EXOC4: variants seen among roughly 807,000 people sequenced by gnomAD.
EXOC4 encodes exocyst complex component 4.
A neutral mutation model predicts 107.2 loss-of-function variants in EXOC4; 71 were observed. That is an observed-to-expected ratio of 0.66 (90% CI 0.55 to 0.81). The LOEUF (loss-of-function observed/expected upper bound fraction) is 0.81. EXOC4 is among the 30% of genes least tolerant of loss of function. The pLI is 0.00. For missense variants in EXOC4, 1,108 were observed against 1,189.6 expected, an observed-to-expected ratio of 0.93 and a Z score of 1.01; for synonymous variants, 456 against 441.2, an observed-to-expected ratio of 1.03 and a Z score of -0.42.
intron 10 of EXOC4, among the ~76,000 whole-genome samples, chr7:133,780,596 T>A (rs866711927): frequency 1.8e-4 from 27 of 152,184 alleles, no homozygotes; most frequent in African/African-American, 6.3e-4. Context: ...TACAAATGAT[T>A]CCTGGGAGAG....
chr7:133,690,116 C>T (rs1427341286), intron 10 of EXOC4, among the ~76,000 whole-genome samples: 1 of 152,134 alleles, frequency 6.6e-6, no homozygotes, highest in African/African-American at 2.4e-5. Flanking sequence ...CCCAGAAGGT[C>T]AGATAAATAA....
intron 10 of EXOC4, among the ~76,000 whole-genome samples, chr7:133,632,601 T>C (rs1437319971): frequency 6.6e-6 from 1 of 152,172 alleles, no homozygotes; most frequent in Non-Finnish European, 1.5e-5. Flanking sequence ...CTTCTAAAGT[T>C]CAGAAGTTTA....
chr7:133,576,924 C>CT (rs1167000644), intron 9 of EXOC4: 1 of 1,219,146 alleles, frequency 8.2e-7, no homozygotes, highest in Non-Finnish European at 1.1e-6. Context: ...TTCCAGATCT[C>CT]TTATTCACTG....
At chr7:133,371,772 A>G (rs1796383233) in intron 6 of EXOC4, among the ~76,000 whole-genome samples, 1 of 152,198 alleles carries the variant, frequency 6.6e-6, no homozygotes, top group African/African-American at 2.4e-5. Context: ...CACTGGCTCC[A>G]TATGGTAACT....
chr7:133,868,748 T>G (rs1253548291), intron 11 of EXOC4, among the ~76,000 whole-genome samples: 8 of 152,192 alleles, frequency 5.3e-5, no homozygotes, highest in Non-Finnish European at 7.3e-5. Flanking sequence ...GACTTCCAGC[T>G]TCCAAAATTA....
chr7:134,054,074 T>C (rs986461270), intron 17 of EXOC4, among the ~76,000 whole-genome samples: 12 of 152,180 alleles, frequency 7.9e-5, no homozygotes, highest in African/African-American at 2.7e-4. Context: ...GCCTCCCAAG[T>C]AGCTGAGACT....
At chr7:133,845,563 A>G (rs1186255765) in intron 11 of EXOC4, among the ~76,000 whole-genome samples, 1 of 151,870 alleles carries the variant, frequency 6.6e-6, no homozygotes, top group African/African-American at 2.4e-5. Context: ...CTTTTCATGT[A>G]ACTTGGTGGG....
At chr7:133,730,328 A>G (rs1292459528) in intron 10 of EXOC4, among the ~76,000 whole-genome samples, 1 of 151,672 alleles carries the variant, frequency 6.6e-6, no homozygotes, top group Non-Finnish European at 1.5e-5. Flanking sequence ...CAGGGACCTT[A>G]TAGGGGAGAT....
At chr7:133,319,998 C>T (rs896924290) in intron 5 of EXOC4, among the ~76,000 whole-genome samples, 5 of 152,076 alleles carry the variant, frequency 3.3e-5, no homozygotes, top group African/African-American at 1.2e-4. Flanking sequence ...AGTCCCTCAA[C>T]AATTTTATAA....
intron 3 of EXOC4, among the ~76,000 whole-genome samples, chr7:133,302,886 A>G (rs1023878531): frequency 2.6e-5 from 4 of 152,190 alleles, no homozygotes; most frequent in Non-Finnish European, 5.9e-5. Flanking sequence ...CATTTGGAAA[A>G]GTGCAGTAAT....
chr7:133,700,711 C>G (rs936211971), intron 10 of EXOC4, among the ~76,000 whole-genome samples: 16 of 152,152 alleles, frequency 1.1e-4, no homozygotes, highest in South Asian at 2.1e-4. Context: ...TTTTTATTAG[C>G]TGAAGGAGGT....
chr7:133,276,848 A>G (rs1398891856), intron 2 of EXOC4, among the ~76,000 whole-genome samples: 2 of 152,210 alleles, frequency 1.3e-5, no homozygotes, highest in Non-Finnish European at 2.9e-5. Context: ...TTATGCTTCT[A>G]CAAATACTGA....
rs76391725 is a variant in EXOC4 at position 133,706,396 on chromosome 7, T to A, written c.1514+76255T>A. 4.8e-3 allele frequency among the ~76,000 whole-genome samples: 737 copies of A among 152,344 alleles called. 3 individuals carry two copies. The highest frequency in any genetic ancestry group is 0.017 in the Middle Eastern group (5 of 294). On this transcript the variant is annotated intron_variant, in intron 10 of 17. Transcript: ENST00000253861. ...ACAAACATATTAGTATTTGTACTTA[T>A]ATTTACATTTATACACACATACATG... is the stretch of plus-strand genomic sequence containing the variant.
intron 10 of EXOC4, among the ~76,000 whole-genome samples, chr7:133,756,012 C>A (rs1262513055): frequency 6.6e-6 from 1 of 152,170 alleles, no homozygotes; most frequent in Non-Finnish European, 1.5e-5. Context: ...GAAAAAACAT[C>A]ATGTTCTATC....
At position 133,604,710 on chromosome 7, in the gene EXOC4, C is replaced by CTTTTTTTTTTTTT. The variant is rs61548710; in HGVS notation, c.1418-25316_1418-25304dup. ...TCTTTCCTTCCTTCCTTCCTTCTTT[C>CTTTTTTTTTTTTT]TTTTTTTTTTTTTTTTTTTTTTTTT... On this transcript the variant is annotated intron_variant, in intron 9 of 17. Transcript: ENST00000253861. Among the ~76,000 whole-genome samples the CTTTTTTTTTTTTT allele has an allele frequency of 4.0e-4, 20 of 50,270 alleles. 1 individual carries two copies. The highest frequency in any genetic ancestry group is 7.0e-4 in the African/African-American group (9 of 12,866). 33.0% of individuals were successfully genotyped at this position (50,270 alleles called of 152,430 possible).
intron 9 of EXOC4, among the ~76,000 whole-genome samples, chr7:133,595,794 GCACTGTCTT>G (rs1414243679): frequency 2.6e-5 from 4 of 152,018 alleles, no homozygotes; most frequent in African/African-American, 9.7e-5. Flanking sequence ...CCTATACCTC[GCACTGTCTT>G]CTCACCAAAT....
chr7:133,493,016 G>T (rs184886823), intron 9 of EXOC4, among the ~76,000 whole-genome samples: 1 of 152,124 alleles, frequency 6.6e-6, no homozygotes, highest in Non-Finnish European at 1.5e-5. Flanking sequence ...GTGACTTTGG[G>T]CACAGTAACT....
At chr7:133,386,946 T>G (rs1027177741) in intron 7 of EXOC4, among the ~76,000 whole-genome samples, 1 of 152,206 alleles carries the variant, frequency 6.6e-6, no homozygotes. Context: ...CCCCATTATT[T>G]GGTCTATTTT....
intron 17 of EXOC4, among the ~76,000 whole-genome samples, chr7:134,021,960 A>C (rs1174925481): frequency 6.6e-6 from 1 of 152,120 alleles, no homozygotes; most frequent in African/African-American, 2.4e-5. Flanking sequence ...TAGTGGCTAG[A>C]GCCTTTTATT....
Sources: allele counts gnomAD v4.1 joint callset (sites outside exome capture counted in the v4.1 genomes callset), GRCh38; gene constraint gnomAD v4.1.1; transcripts MANE v1.5; gene names NCBI Gene and HGNC (gene_info 2026-07-23, HGNC 2026-07-21).